Variants in SLC6A9 observed in about 807,000 individuals in gnomAD.
SLC6A9 encodes the protein solute carrier family 6 member 9.
In SLC6A9, 31 loss-of-function variants were observed where a neutral mutation model predicts 70.9. The observed-to-expected ratio is 0.44, with a 90% CI of 0.33 to 0.59. The LOEUF (loss-of-function observed/expected upper bound fraction) is 0.59, where lower values mean the gene tolerates loss of function less well. SLC6A9 is among the 20% of genes least tolerant of loss of function. SLC6A9 has a pLI of 0.04. For synonymous variants in SLC6A9, 310 were observed against 341.3 expected (o/e 0.91, Z 1.01); for missense variants, 631 against 845.2 (o/e 0.75, Z 3.14).
intron 2 of SLC6A9, among the ~76,000 whole-genome samples, chr1:44,023,914 C>T (rs2086933416): frequency 6.6e-6 from 1 of 152,202 alleles, no homozygotes; most frequent in Admixed American, 6.5e-5. Context: ...GAGGGAGGAC[C>T]CCTTGATCAG....
chr1:44,017,250 C>A, intron 2 of SLC6A9: 1 of 1,510,634 alleles, frequency 6.6e-7, no homozygotes, highest in Non-Finnish European at 8.8e-7. Flanking sequence ...CCTACCCGCT[C>A]CCCTGGCCCT....
chr1:44,011,559 A>T (rs200644913), intron 2 of SLC6A9: 8 of 1,613,434 alleles, frequency 5.0e-6, no homozygotes, highest in Non-Finnish European at 6.8e-6. Flanking sequence ...TGGGGAGCTG[A>T]CCTGGGCCAT....
chr1:43,997,230 A>C lies in SLC6A9; in HGVS notation c.*315T>G. ...CCAGAACCTCAGCTCAGGGCAGGGT[A>C]TAAGGGTATCGGAGGCCACGTAAAG... is the stretch of plus-strand genomic sequence containing the variant. On this transcript the variant is annotated 3_prime_UTR_variant, in exon 14 of 14. Coordinates refer to ENST00000372310, the MANE Select transcript of SLC6A9 (RefSeq NM_001024845.3). This position sits in a 1 kb window ranked among gnomAD's most constrained non-coding sequence, Gnocchi z 4.4. 5 of 359,972 alleles carry C rather than the reference A, an allele frequency of 1.4e-5. No homozygotes were observed. Among genetic ancestry groups the C allele is most frequent in the Non-Finnish European group, 2.1e-5 (4 of 194,516 alleles). The allele number at this position is 359,972 out of a possible 1,614,324, so 22.3% of individuals were successfully genotyped here.
intron 9 of SLC6A9, 37 bp from the exon 10 acceptor site, chr1:44,001,335 T>G (rs2086096135): frequency 6.2e-7 from 1 of 1,613,868 alleles, no homozygotes; most frequent in African/African-American, 1.3e-5. Context: ...GACCTGCCCC[T>G]TGTTCCTGTC....
At position 44,008,458 on chromosome 1, in the gene SLC6A9, G is replaced by A. The variant is rs1206603474; in HGVS notation, c.485C>T (p.Ala162Val). The change falls in exon 5 of 14, where the codon GCC becomes GTC. Residue 162 changes from alanine (A) to valine (V), a missense_variant. Coordinates refer to ENST00000372310, the MANE Select transcript of SLC6A9 (RefSeq NM_001024845.3). ...CCGAGAGCCATTGGTGAGGTTGGAG[G>A]CGTCCAGTACACCGGCGCAGTCATG... ...NTHDCAGVLD[A>V]SNLTNGSRPA... 1 of 1,614,186 alleles carries A rather than the reference G, an allele frequency of 6.2e-7. No homozygotes were observed. The highest frequency in any genetic ancestry group is 1.1e-5 in the South Asian group (1 of 91,092).
At position 44,002,465 on chromosome 1, in the gene SLC6A9, C is replaced by T; in HGVS notation, c.858+47G>A. On this transcript the variant is annotated intron_variant, in intron 7 of 13. Transcript: ENST00000372310. The surrounding 1 kb of genome is among the most constrained non-coding windows in gnomAD (Gnocchi z 5.5). ...AGGAGCTGTGGGCAGAGGCAGGCAC[C>T]TCCCTGGCCCCTCCCCAGCCCCCTT... 6.2e-7 allele frequency: 1 copy of T among 1,613,222 alleles called. No homozygotes were observed. Among genetic ancestry groups the T allele is most frequent in the Non-Finnish European group, 8.5e-7 (1 of 1,179,224 alleles).
At chr1:44,015,884 C>G (rs1483924970) in intron 2 of SLC6A9, 1 of 985,254 alleles carries the variant, frequency 1.0e-6, no homozygotes, top group Non-Finnish European at 1.2e-6. Flanking sequence ...GCCGAGCAGC[C>G]CCCAGTGGCC....
intron 1 of SLC6A9, among the ~76,000 whole-genome samples, chr1:44,029,759 G>A (rs1381288088): frequency 1.4e-4 from 21 of 152,178 alleles, no homozygotes; most frequent in Non-Finnish European, 5.9e-5. Flanking sequence ...CGCAGTCGCC[G>A]CATAGGCCAA....
Position 44,010,066 on chromosome 1 carries a change from A to G in SLC6A9, c.218T>C (p.Leu73Pro). 2 of 1,613,984 alleles carry G rather than the reference A, an allele frequency of 1.2e-6. No homozygotes were observed. The highest frequency in any genetic ancestry group is 1.7e-6 in the Non-Finnish European group (2 of 1,179,926). ...GAAGAGGGGGATCCCGCAGAAGATG[A>G]GCATGATGAAGTAGGGGAACATGAA... ...GAFMFPYFIM[L>P]IFCGIPLFFM... The change falls in exon 4 of 14, where the codon CTC (leucine) becomes CCC (proline). Residue 73 changes from leucine to proline, a missense_variant. Leu to Pro is a moderately conservative substitution (Grantham distance 98). Transcript: ENST00000372310.
intron 2 of SLC6A9, among the ~76,000 whole-genome samples, chr1:44,020,010 G>C (rs1041460680): frequency 2.0e-5 from 3 of 152,196 alleles, no homozygotes; most frequent in African/African-American, 7.2e-5. Flanking sequence ...AGGAAGGCTG[G>C]AACTTTTCCT....
At chr1:43,999,767 C>T (rs1054219672) in intron 12 of SLC6A9, among the ~76,000 whole-genome samples, 8 of 152,176 alleles carry the variant, frequency 5.3e-5, no homozygotes, top group African/African-American at 1.4e-4. Flanking sequence ...CCCCCTGTGC[C>T]ACCGAGGCAT....
Position 44,008,536 on chromosome 1 carries a change from GAGA to G in SLC6A9, c.404_406del (p.Phe135del), listed in dbSNP as rs992320258. ...CCAGGGCAGCACGTGCGTCATGGAC[GAGA>G]AGAAGTAGTAGAAGGCGATGCAGAT... On this transcript the variant is annotated inframe_deletion, in exon 5 of 14. Transcript: ENST00000372310. 6 of 1,614,026 alleles carry G rather than the reference GAGA, an allele frequency of 3.7e-6. No homozygotes were observed. The highest frequency in any genetic ancestry group is 2.7e-5 in the African/African-American group (2 of 74,910).
chr1:44,026,532 G>A (rs759354468), intron 1 of SLC6A9, among the ~76,000 whole-genome samples: 2 of 152,012 alleles, frequency 1.3e-5, no homozygotes, highest in South Asian at 2.1e-4. Flanking sequence ...GGTGGTATGC[G>A]CCTGTAGTCC....
chr1:44,006,215 G>A (rs752834926), intron 5 of SLC6A9, among the ~76,000 whole-genome samples: 32 of 152,036 alleles, frequency 2.1e-4, no homozygotes, highest in African/African-American at 6.5e-4. Context: ...TTCTCCCATC[G>A]GACGGCAGCT....
intron 12 of SLC6A9, among the ~76,000 whole-genome samples, chr1:43,998,580 G>A (rs560571368): frequency 2.6e-5 from 4 of 152,232 alleles, no homozygotes; most frequent in East Asian, 1.9e-4. Flanking sequence ...GCCTCCCCAC[G>A]GCGTTTTCCA....
At chr1:44,015,496 A>G (rs934905037) in intron 2 of SLC6A9, among the ~76,000 whole-genome samples, 3 of 152,244 alleles carry the variant, frequency 2.0e-5, no homozygotes, top group Non-Finnish European at 4.4e-5. Context: ...GACAAACTTT[A>G]TGGAGGAGAA....
At chr1:44,001,763 T>C in intron 8 of SLC6A9, 136 bp from the exon 9 acceptor site, 1 of 697,996 alleles carries the variant, frequency 1.4e-6, no homozygotes, top group Non-Finnish European at 2.5e-6. Context: ...GGTCTCACTC[T>C]GTTGTCCAGG....
intron 2 of SLC6A9, chr1:44,016,947 C>A: frequency 7.9e-7 from 1 of 1,261,496 alleles, no homozygotes; most frequent in East Asian, 2.8e-5. Flanking sequence ...GCCTGCCCCT[C>A]CCTGGCACAG....
At position 44,002,614 on chromosome 1, in the gene SLC6A9, C is replaced by T; in HGVS notation, c.756G>A (p.Val252=). The part of the protein sequence containing the change: ...VVYFTATFPY[V]VLTILFVRGV... ...CGCGGACAAACAGAATGGTCAGCAC[C>T]ACGTAGGGGAACGTGGCCGTGAAGT... The change falls in exon 7 of 14, where the codon GTG becomes GTA. Residue 252 remains valine, a synonymous_variant. Coordinates refer to ENST00000372310, the MANE Select transcript of SLC6A9 (RefSeq NM_001024845.3). The surrounding 1 kb of genome is among the most constrained non-coding windows in gnomAD (Gnocchi z 5.5). 6.2e-7 allele frequency: 1 copy of T among 1,614,152 alleles called. No individual in the cohort carries two copies.
Sources: allele counts gnomAD v4.1 joint callset (sites outside exome capture counted in the v4.1 genomes callset), GRCh38; gene constraint gnomAD v4.1.1; non-coding constraint Gnocchi (gnomAD v3.1); transcripts MANE v1.5; gene names NCBI Gene and HGNC (gene_info 2026-07-23, HGNC 2026-07-21).